Variants in LRCH1 observed in about 807,000 individuals in gnomAD.
The protein encoded by LRCH1 is leucine rich repeats and calponin homology domain containing 1.
A neutral mutation model predicts 94.9 loss-of-function variants in LRCH1; 23 were observed. The ratio of observed to expected loss-of-function variants is 0.24; its 90% CI spans 0.17 to 0.34. LRCH1 has a LOEUF of 0.34. LRCH1 is among the 10% of genes least tolerant of loss of function. The pLI is 1.00. For missense variants in LRCH1, 790 were observed against 945.9 expected (o/e 0.84, Z 2.16); for synonymous variants, 364 against 354.9 (o/e 1.03, Z -0.29).
intron 1 of LRCH1, among the ~76,000 whole-genome samples, chr13:46,575,897 A>G (rs2050299368): frequency 6.6e-6 from 1 of 152,226 alleles, no homozygotes; most frequent in Non-Finnish European, 1.5e-5. Flanking sequence ...TGAGAAGTCC[A>G]GAGGGAGAGA....
intron 18 of LRCH1, among the ~76,000 whole-genome samples, chr13:46,730,160 G>A (rs911160991): frequency 2.6e-5 from 4 of 152,160 alleles, no homozygotes; most frequent in Non-Finnish European, 5.9e-5. Context: ...GTTAGGAGAG[G>A]CAGAAGAATT....
At chr13:46,737,101 T>C (rs1270004833) in intron 19 of LRCH1, among the ~76,000 whole-genome samples, 26 of 152,324 alleles carry the variant, frequency 1.7e-4, no homozygotes, top group Non-Finnish European at 4.4e-5. Flanking sequence ...GGGTGGGTCA[T>C]GGTTCATGAC....
intron 1 of LRCH1, among the ~76,000 whole-genome samples, chr13:46,629,963 T>C (rs573909959): frequency 1.3e-5 from 2 of 152,090 alleles, no homozygotes; most frequent in South Asian, 2.1e-4. Context: ...TTAAAGTAAG[T>C]GAAAATGGAA....
intron 1 of LRCH1, among the ~76,000 whole-genome samples, chr13:46,642,023 C>T (rs963788597): frequency 1.4e-4 from 21 of 152,216 alleles, no homozygotes; most frequent in African/African-American, 5.1e-4. Flanking sequence ...ACAGATAGAG[C>T]TGTGGTGGCC....
At chr13:46,681,250 G>A (rs2051746317) in intron 3 of LRCH1, among the ~76,000 whole-genome samples, 1 of 152,214 alleles carries the variant, frequency 6.6e-6, no homozygotes, top group Non-Finnish European at 1.5e-5. Context: ...ACTGCAAAAT[G>A]TGAGAGTTTG....
intron 19 of LRCH1, among the ~76,000 whole-genome samples, chr13:46,738,102 A>G (rs17068757): frequency 0.034 from 5,210 of 152,262 alleles, 296 homozygotes; most frequent in African/African-American, 0.12. Context: ...TCAGTCCTTC[A>G]TCTTCCTTAC....
At chr13:46,714,701 G>A (rs9595518) in intron 15 of LRCH1, among the ~76,000 whole-genome samples, 3,066 of 151,984 alleles carry the variant, frequency 0.02, 84 homozygotes, top group East Asian at 0.085. Context: ...TTATTTTACC[G>A]GCCCTGCCTT....
chr13:46,711,076 A>G (rs1429583143), intron 13 of LRCH1, among the ~76,000 whole-genome samples: 1 of 152,030 alleles, frequency 6.6e-6, no homozygotes, highest in Non-Finnish European at 1.5e-5. Context: ...TCTGTACCCC[A>G]GTATTCAGAT....
At chr13:46,650,159 G>T in intron 1 of LRCH1, 42 bp from the exon 2 acceptor site, 1 of 1,444,404 alleles carries the variant, frequency 6.9e-7, no homozygotes, top group Non-Finnish European at 9.6e-7. Context: ...TATTGATTTT[G>T]TTCAAATTTT....
At chr13:46,581,659 GGGGTT>G (rs2050366830) in intron 1 of LRCH1, among the ~76,000 whole-genome samples, 2 of 152,218 alleles carry the variant, frequency 1.3e-5, no homozygotes, top group Non-Finnish European at 2.9e-5. Flanking sequence ...GGACCTATCA[GGGGTT>G]GAACCCAAGC....
At chr13:46,598,714 G>C (rs2050593895) in intron 1 of LRCH1, among the ~76,000 whole-genome samples, 1 of 152,096 alleles carries the variant, frequency 6.6e-6, no homozygotes, top group South Asian at 2.1e-4. Flanking sequence ...TTTCGGTAAG[G>C]GAAATGCTTA....
chr13:46,601,722 T>C (rs1167493365), intron 1 of LRCH1, among the ~76,000 whole-genome samples: 2 of 152,320 alleles, frequency 1.3e-5, no homozygotes, highest in East Asian at 1.9e-4. Context: ...CAAGCCCTGC[T>C]CTGTTGGGTT....
chr13:46,647,794 CTT>C (rs10718141), intron 1 of LRCH1, among the ~76,000 whole-genome samples: 5,113 of 126,836 alleles, frequency 0.04, 173 homozygotes, highest in African/African-American at 0.094. Flanking sequence ...AGGTAGTCAT[CTT>C]TTTTTTTTTT....
intron 13 of LRCH1, 78 bp from the exon 14 acceptor site, chr13:46,711,713 A>C: frequency 9.6e-7 from 1 of 1,038,978 alleles, no homozygotes; most frequent in East Asian, 2.4e-5. Context: ...ACATGATGGC[A>C]GTAAGAAAGA....
At chr13:46,568,665 G>A (rs1017097669) in intron 1 of LRCH1, among the ~76,000 whole-genome samples, 2 of 152,180 alleles carry the variant, frequency 1.3e-5, no homozygotes, top group Admixed American at 6.5e-5. Context: ...ATGTAGACAT[G>A]ATTTAAGTAA....
chr13:46,561,261 G>T (rs912312113), intron 1 of LRCH1, among the ~76,000 whole-genome samples: 7 of 152,176 alleles, frequency 4.6e-5, no homozygotes, highest in African/African-American at 1.7e-4. Flanking sequence ...TCGGGGACAG[G>T]TTATTTGATT....
Position 46,720,212 on chromosome 13 carries a change from C to G in LRCH1, c.1760-3009C>G, listed in dbSNP as rs888974852. ...GACCAGCCTGGGCAATATGGCGAAA[C>G]CCCACCTCTACTAAAAATATAAAAC... On this transcript the variant is annotated intron_variant, in intron 16 of 19. Coordinates refer to ENST00000389797, the MANE Select transcript of LRCH1 (RefSeq NM_001164211.2). Among the ~76,000 whole-genome samples the G allele has an allele frequency of 8.5e-5, 13 of 152,092 alleles. No individual in the cohort carries two copies. In the South Asian group the frequency reaches 1.0e-3, roughly 12 times the overall value.
At chr13:46,709,698 G>A (rs980983755) in intron 13 of LRCH1, among the ~76,000 whole-genome samples, 1 of 151,784 alleles carries the variant, frequency 6.6e-6, no homozygotes. Context: ...ACAATGTTTT[G>A]TGTTATTTTA....
chr13:46,711,663 T>G, intron 13 of LRCH1, 128 bp from the exon 14 acceptor site: 2 of 611,184 alleles, frequency 3.3e-6, no homozygotes, highest in Non-Finnish European at 5.8e-6. Flanking sequence ...CACTAACTAA[T>G]TAATTCAACA....
Sources: gnomAD v4.1 joint callset for allele counts (sites outside exome capture counted in the v4.1 genomes callset) on GRCh38, gnomAD v4.1.1 for gene constraint, MANE v1.5 for transcripts, NCBI Gene and HGNC (gene_info 2026-07-23, HGNC 2026-07-21) for gene names.